The following PPFIA1 variants were observed in gnomAD, a reference collection of about 807,000 sequenced individuals.
PPFIA1 encodes liprin-alpha-1.
In PPFIA1, 25 loss-of-function variants were observed where a neutral mutation model predicts 149.9. That is an observed-to-expected ratio of 0.17 (90% confidence interval 0.12 to 0.23). PPFIA1 has a LOEUF of 0.23. Ranked by LOEUF, PPFIA1 falls within the 10% of genes least tolerant of loss-of-function variation. The pLI, the probability that PPFIA1 is intolerant of heterozygous loss-of-function variation, is 1.00. For missense variants in PPFIA1, 1,362 were observed against 1,506.5 expected (o/e 0.90, Z 1.59); for synonymous variants, 549 against 552.8 (o/e 0.99, Z 0.10).
rs766587899 is a variant in PPFIA1, at chr11:70,330,177, T to C, written c.935T>C (p.Met312Thr). Reference protein sequence around the residue: ...TKLQRDVREAMAQKEDMEERI... With the variant: ...TKLQRDVREATAQKEDMEERI... ...CCTCTGAAATACCTAATTTAGGCCA[T>C]GGCCCAAAAGGAAGATATGGAAGAG... The change falls in exon 8 of 28, where the codon ATG (methionine) becomes ACG (threonine). Residue 312 changes from methionine to threonine, a missense_variant. Coordinates refer to ENST00000253925, the MANE Select transcript of PPFIA1 (RefSeq NM_003626.5). 2 of 1,592,766 alleles carry C rather than the reference T, an allele frequency of 1.3e-6. No homozygotes were observed. The highest frequency in any genetic ancestry group is 1.7e-6 in the Non-Finnish European group (2 of 1,171,898).
In PPFIA1 at chr11:70,339,200, T is replaced by C; in HGVS notation, c.1601T>C (p.Phe534Ser). The C allele has an allele frequency of 6.2e-7, 1 of 1,614,154 alleles. No individual in the cohort carries two copies. Among genetic ancestry groups the C allele is most frequent in the Non-Finnish European group, 8.5e-7 (1 of 1,180,038 alleles). Residue 534 changes from phenylalanine to serine, a missense_variant, in exon 14 of 28, where the codon TTC (phenylalanine) becomes TCC (serine). Transcript: ENST00000253925. ...CCCCACTTGGGCAGTGTCCCAGATT[T>C]CAGGTTCCCCATGGCAGACGGCCAC... ...GRPHLGSVPD[F>S]RFPMADGHTD... is the part of the protein sequence containing the mutation.
chr11:70,284,032 A>G (rs780102736), intron 2 of PPFIA1: 2 of 532,052 alleles, frequency 3.8e-6, no homozygotes, highest in South Asian at 2.8e-5. Context: ...AAAAACCGCA[A>G]TTATTTTTGC....
intron 5 of PPFIA1, 62 bp downstream of exon 5, chr11:70,325,636 T>G: frequency 1.5e-6 from 2 of 1,333,530 alleles, no homozygotes; most frequent in Non-Finnish European, 2.2e-6. Flanking sequence ...CTTTAATTAT[T>G]AAAAGCAGCA....
At chr11:70,351,745 T>TA (rs965315375) in intron 16 of PPFIA1, among the ~76,000 whole-genome samples, 7 of 152,162 alleles carry the variant, frequency 4.6e-5, no homozygotes, top group Admixed American at 3.9e-4. Flanking sequence ...AACTAAAGCT[T>TA]AGAGAGGCCC....
chr11:70,294,333 C>T (rs555334877), intron 2 of PPFIA1, among the ~76,000 whole-genome samples: 5 of 152,064 alleles, frequency 3.3e-5, no homozygotes, highest in African/African-American at 1.2e-4. Context: ...TTGGAGATGG[C>T]GAGGTGATGG....
At position 70,376,657 on chromosome 11, in the gene PPFIA1, G is replaced by A. The variant is rs2057504163; in HGVS notation, c.3384+57G>A. ...CTGAAATGTGTGTAAATGTTTAAATGTGTGTGAAATGTAAGCTGTTATTAT... is the reference window on the plus strand; with the variant it reads ...CTGAAATGTGTGTAAATGTTTAAATATGTGTGAAATGTAAGCTGTTATTAT... On this transcript the variant is annotated intron_variant, in intron 25 of 27. Transcript: ENST00000253925. 1.2e-5 allele frequency: 16 copies of A among 1,365,288 alleles called. No individual in the cohort carries two copies. The Admixed American group carries it at 2.7e-4, about 23-fold the overall frequency. 84.6% of individuals were successfully genotyped at this position (1,365,288 alleles called of 1,614,324 possible). A position where few individuals can be genotyped will look rare whatever the true frequency, so the allele number is the denominator to read the frequency against.
At chr11:70,280,428 G>C (rs1047237502) in intron 2 of PPFIA1, among the ~76,000 whole-genome samples, 3 of 152,000 alleles carry the variant, frequency 2.0e-5, no homozygotes, top group African/African-American at 7.2e-5. Flanking sequence ...AAATAGCCGG[G>C]CATGGTGGCA....
chr11:70,278,018 C>T lies in PPFIA1; in HGVS notation c.264+5582C>T, dbSNP rs1406952849. On this transcript the variant is annotated intron_variant, in intron 2 of 27. Transcript: ENST00000253925. ...CACCGCCTCCCGGGTTCAAGCAATT[C>T]TCCTGCCTCAGCCGCCCGAGTAGCT... Among the ~76,000 whole-genome samples the T allele has an allele frequency of 2.6e-5, 4 of 152,146 alleles. No individual in the cohort carries two copies. The East Asian group carries it at 7.7e-4, about 29-fold the overall frequency.
At chr11:70,365,603 A>G in intron 21 of PPFIA1, 1 of 354,234 alleles carries the variant, frequency 2.8e-6, no homozygotes, top group East Asian at 7.5e-5. Flanking sequence ...TTTGTATTTT[A>G]TTTTAGATTT....
rs2055167884 is a variant in PPFIA1 at position 70,339,312 on chromosome 11, G to C, written c.1707+6G>C. 6.2e-7 allele frequency: 1 copy of C among 1,611,028 alleles called. No individual in the cohort carries two copies. The highest frequency in any genetic ancestry group is 8.5e-7 in the Non-Finnish European group (1 of 1,177,714). On this transcript the variant is annotated splice_donor_region_variant and intron_variant, in intron 14 of 27. Transcript: ENST00000253925. ...TGCGAGATGAGCCTTCCAAGGCAAG[G>C]TCTTTGTGTGAAATACCTCTGCTTA...
At chr11:70,292,805 C>T (rs186940673) in intron 2 of PPFIA1, among the ~76,000 whole-genome samples, 1 of 152,322 alleles carries the variant, frequency 6.6e-6, no homozygotes, top group Non-Finnish European at 1.5e-5. Flanking sequence ...TGAATCCAAG[C>T]AGTCTGACTC....
In PPFIA1 at chr11:70,324,506, G is replaced by A. The variant is rs367954464; in HGVS notation, c.366+3G>A. ...AAGCAGAAAGGAATAACACCAGGGT[G>A]AGTGTGACCTTTCTGTTCACTGCCT... On this transcript the variant is annotated splice_donor_region_variant and intron_variant, in intron 3 of 27. Coordinates refer to ENST00000253925, the MANE Select transcript of PPFIA1 (RefSeq NM_003626.5). 22 of 1,602,168 alleles carry A rather than the reference G, an allele frequency of 1.4e-5. No individual in the cohort carries two copies. The highest frequency in any genetic ancestry group is 8.9e-5 in the East Asian group (4 of 44,844).
At chr11:70,367,455 G>A (rs893411066) in intron 21 of PPFIA1, 5 of 452,922 alleles carry the variant, frequency 1.1e-5, no homozygotes, top group East Asian at 7.0e-5. Flanking sequence ...TGGTCCCCCC[G>A]TCATGGAGCT....
chr11:70,322,654 C>T (rs1482770212), intron 2 of PPFIA1, among the ~76,000 whole-genome samples: 2 of 152,188 alleles, frequency 1.3e-5, no homozygotes, highest in Admixed American at 1.3e-4. Flanking sequence ...TATTCATGTT[C>T]TTTAGCTAAT....
rs78551775 is a variant in PPFIA1 at position 70,290,247 on chromosome 11, A to G, written c.264+17811A>G. 6.0e-3 allele frequency among the ~76,000 whole-genome samples: 913 copies of G among 152,136 alleles called. 10 individuals carry two copies. The highest frequency in any genetic ancestry group is 0.02 in the African/African-American group (824 of 41,504). ...CTTGTGTAAAAAAAAAAAGTTTATT[A>G]TTTTTCAAACACACAAAACATTTAC... On this transcript the variant is annotated intron_variant, in intron 2 of 27. Transcript: ENST00000253925.
rs2276000 is a variant in PPFIA1, at chr11:70,337,260, C to G, written c.1429-105C>G. 431 of 755,528 alleles carry G rather than the reference C, an allele frequency of 5.7e-4. 1 individual carries two copies. In the African/African-American group the frequency reaches 6.8e-3, roughly 12 times the overall value. The allele number at this position is 755,528 out of a possible 1,614,324, so 46.8% of individuals were successfully genotyped here. ...GTGCTTGCTGGTGTGCTCTTTTACTCCGTTCCCTTTGTGTGGTCCTTTTTT... is the reference window on the plus strand; with the variant it reads ...GTGCTTGCTGGTGTGCTCTTTTACTGCGTTCCCTTTGTGTGGTCCTTTTTT... On this transcript the variant is annotated intron_variant, in intron 11 of 27. Transcript: ENST00000253925.
chr11:70,339,409 T>G, intron 14 of PPFIA1, 103 bp downstream of exon 14: 13 of 1,308,264 alleles, frequency 9.9e-6, no homozygotes, highest in Non-Finnish European at 1.3e-5. Flanking sequence ...GTCATTGCTT[T>G]CTTGCCCTCC....
At chr11:70,365,029 T>C (rs1232327130) in intron 21 of PPFIA1, 1 of 167,400 alleles carries the variant, frequency 6.0e-6, no homozygotes, top group East Asian at 1.8e-4. Flanking sequence ...GCTGGGTTCT[T>C]TGTTGTTAAT....
chr11:70,285,350 C>T (rs2051037333), intron 2 of PPFIA1, among the ~76,000 whole-genome samples: 1 of 152,020 alleles, frequency 6.6e-6, no homozygotes, highest in Non-Finnish European at 1.5e-5. Flanking sequence ...AGAGTAGAGC[C>T]ACTTCAAGTG....
Sources: allele counts gnomAD v4.1 joint callset (sites outside exome capture counted in the v4.1 genomes callset), GRCh38; gene constraint gnomAD v4.1.1; transcripts MANE v1.5; gene names NCBI Gene and HGNC (gene_info 2026-07-23, HGNC 2026-07-21).